FHOD3: variants seen among roughly 807,000 people sequenced by gnomAD.
The protein encoded by FHOD3 is formin homology 2 domain containing 3, also known as FH1/FH2 domain-containing protein 3.
In FHOD3, 90 loss-of-function variants were observed where a neutral mutation model predicts 173.0. That is an observed-to-expected ratio of 0.52 (90% CI 0.44 to 0.62). The LOEUF (loss-of-function observed/expected upper bound fraction) is 0.62, where lower values mean the gene tolerates loss of function less well. Among genes scored for constraint, FHOD3 ranks in the 20% least tolerant of loss-of-function variants. FHOD3 has a pLI of 0.00. For missense variants in FHOD3, 1,945 were observed against 2,034.7 expected, an observed-to-expected ratio of 0.96 and a Z score of 0.85; for synonymous variants, 828 against 823.0, an observed-to-expected ratio of 1.01 and a Z score of -0.10.
chr18:36,756,115 T>C (rs2042623647), intron 25 of FHOD3, among the ~76,000 whole-genome samples: 1 of 152,230 alleles, frequency 6.6e-6, no homozygotes, highest in African/African-American at 2.4e-5. Context: ...TTTTTCTTAA[T>C]GTGCCTTTAC....
At chr18:36,409,412 G>T (rs17565368) in intron 3 of FHOD3, among the ~76,000 whole-genome samples, 1 of 152,044 alleles carries the variant, frequency 6.6e-6, no homozygotes, top group Non-Finnish European at 1.5e-5. Flanking sequence ...TGGCTAGCTC[G>T]TTGCTGTCTT....
intron 5 of FHOD3, among the ~76,000 whole-genome samples, chr18:36,550,899 A>G: frequency 6.6e-6 from 1 of 152,146 alleles, no homozygotes; most frequent in East Asian, 1.9e-4. Flanking sequence ...TCCAATCTCA[A>G]CTGCTCTTTC....
chr18:36,453,322 C>T (rs956877849), intron 3 of FHOD3, among the ~76,000 whole-genome samples: 1 of 152,186 alleles, frequency 6.6e-6, no homozygotes, highest in Non-Finnish European at 1.5e-5. Flanking sequence ...TTCCCCAACA[C>T]TAAAGTGAAC....
At chr18:36,694,604 C>T (rs751500278) in intron 17 of FHOD3, among the ~76,000 whole-genome samples, 9 of 152,148 alleles carry the variant, frequency 5.9e-5, no homozygotes, top group African/African-American at 1.7e-4. Context: ...CTATTATCTA[C>T]GTTGTGGTAT....
At chr18:36,482,757 G>A (rs1481650743) in intron 3 of FHOD3, among the ~76,000 whole-genome samples, 1 of 151,724 alleles carries the variant, frequency 6.6e-6, no homozygotes, top group Non-Finnish European at 1.5e-5. Context: ...ACACTTCATG[G>A]AGTCCAATAA....
In FHOD3 at chr18:36,718,577, T is replaced by C. The variant is rs2040591541; in HGVS notation, c.3279T>C (p.Val1093=). Residue 1093 remains valine (V), a synonymous_variant, in exon 19 of 29, where the codon GTT becomes GTC. Coordinates refer to ENST00000590592, the MANE Select transcript of FHOD3 (RefSeq NM_001281740.3). ...KKTIRLFWNE[V]RPFDWPCKNN... ...CCATCCGTTTGTTCTGGAATGAAGT[T>C]CGGCCTTTTGACTGGCCATGTAAAA... The C allele has an allele frequency of 6.2e-7, 1 of 1,614,086 alleles. No individual in the cohort carries two copies. Among genetic ancestry groups the C allele is most frequent in the African/African-American group, 1.3e-5 (1 of 74,910 alleles).
intron 1 of FHOD3, among the ~76,000 whole-genome samples, chr18:36,344,304 A>T (rs2045778348): frequency 6.6e-6 from 1 of 152,354 alleles, no homozygotes; most frequent in South Asian, 2.1e-4. Context: ...TGACTGCCCA[A>T]AACAATACTA....
At chr18:36,346,406 C>T (rs1054302360) in intron 1 of FHOD3, among the ~76,000 whole-genome samples, 1 of 152,082 alleles carries the variant, frequency 6.6e-6, no homozygotes, top group Non-Finnish European at 1.5e-5. Flanking sequence ...ACCAGATCCT[C>T]ATTTTATCCC....
At chr18:36,579,615 G>A (rs1367569523) in intron 6 of FHOD3, among the ~76,000 whole-genome samples, 1 of 152,156 alleles carries the variant, frequency 6.6e-6, no homozygotes, top group Non-Finnish European at 1.5e-5. Context: ...TTATAAGAAG[G>A]ATTTGTGGAA....
At chr18:36,392,546 G>T (rs973104363) in intron 3 of FHOD3, among the ~76,000 whole-genome samples, 1 of 152,186 alleles carries the variant, frequency 6.6e-6, no homozygotes, top group African/African-American at 2.4e-5. Flanking sequence ...CTGAGTAGGG[G>T]ACAGAGGAAA....
At chr18:36,503,879 A>G (rs1599412479) in intron 4 of FHOD3, among the ~76,000 whole-genome samples, 1 of 152,224 alleles carries the variant, frequency 6.6e-6, no homozygotes, top group Non-Finnish European at 1.5e-5. Context: ...GTTGTACTCC[A>G]AAAGTAAGGC....
At chr18:36,331,409 G>A (rs2045004179) in intron 1 of FHOD3, among the ~76,000 whole-genome samples, 1 of 152,240 alleles carries the variant, frequency 6.6e-6, no homozygotes, top group South Asian at 2.1e-4. Flanking sequence ...GGCAGAGTTT[G>A]CTGGCCTGAG....
chr18:36,586,220 A>G (rs182102437), intron 6 of FHOD3, among the ~76,000 whole-genome samples: 15 of 152,342 alleles, frequency 9.8e-5, no homozygotes, highest in African/African-American at 3.6e-4. Flanking sequence ...GGGAACCTCC[A>G]TAGTATAGTG....
intron 3 of FHOD3, among the ~76,000 whole-genome samples, chr18:36,476,860 A>G (rs2053603377): frequency 6.6e-6 from 1 of 152,222 alleles, no homozygotes; most frequent in Non-Finnish European, 1.5e-5. Flanking sequence ...CACTTTCTTT[A>G]CCAAGGAATG....
intron 19 of FHOD3, among the ~76,000 whole-genome samples, chr18:36,729,686 C>T (rs2041256232): frequency 6.6e-6 from 1 of 152,200 alleles, no homozygotes; most frequent in Non-Finnish European, 1.5e-5. Context: ...GAGGATCCCA[C>T]CCTCGTGACC....
chr18:36,323,009 G>T (rs1167009029), intron 1 of FHOD3, among the ~76,000 whole-genome samples: 1 of 152,134 alleles, frequency 6.6e-6, no homozygotes, highest in African/African-American at 2.4e-5. Flanking sequence ...CTCAAAAATG[G>T]CCTTTGAATC....
At chr18:36,649,132 C>G (rs898529885) in intron 10 of FHOD3, among the ~76,000 whole-genome samples, 184 bp from the exon 11 acceptor site, 2 of 151,610 alleles carry the variant, frequency 1.3e-5, no homozygotes, top group South Asian at 4.2e-4. Context: ...TGTCTCTTGT[C>G]TCCTAACAGA....
At chr18:36,752,162 C>T (rs1322635257) in intron 24 of FHOD3, among the ~76,000 whole-genome samples, 2 of 152,088 alleles carry the variant, frequency 1.3e-5, no homozygotes, top group African/African-American at 4.8e-5. Flanking sequence ...GGGGATACCG[C>T]CCCCTATGAT....
chr18:36,776,437 T>C (rs1198239664), intron 28 of FHOD3, among the ~76,000 whole-genome samples: 1 of 152,168 alleles, frequency 6.6e-6, no homozygotes, highest in Non-Finnish European at 1.5e-5. Flanking sequence ...TTGAATTGGG[T>C]GTAAGACTGA....
Sources: gnomAD v4.1 joint callset for allele counts (sites outside exome capture counted in the v4.1 genomes callset) on GRCh38, gnomAD v4.1.1 for gene constraint, MANE v1.5 for transcripts, NCBI Gene and HGNC (gene_info 2026-07-23, HGNC 2026-07-21) for gene names.